Variants in MRRF observed in about 807,000 individuals in gnomAD.
The protein encoded by MRRF is mitochondrial ribosome recycling factor, also known as ribosome-recycling factor, mitochondrial.
MRRF carries 18 observed loss-of-function variants against 25.1 expected under a neutral mutation model. The observed-to-expected ratio is 0.72, with a 90% CI of 0.50 to 1.06. MRRF has a LOEUF of 1.06. Among genes scored for constraint, MRRF ranks in the 50% least tolerant of loss-of-function variants. MRRF has a pLI of 0.00. For missense variants in MRRF, 323 were observed against 319.3 expected, an observed-to-expected ratio of 1.01 and a Z score of -0.09; for synonymous variants, 113 against 112.1, an observed-to-expected ratio of 1.01 and a Z score of -0.05.
chr9:122,293,407 T>C (rs1833894622), intron 5 of MRRF, among the ~76,000 whole-genome samples: 2 of 152,202 alleles, frequency 1.3e-5, no homozygotes, highest in Admixed American at 1.3e-4. Flanking sequence ...AACCCAGGTT[T>C]AGTTGATAAC....
rs755709846 is a variant in MRRF, at chr9:122,321,755, T to G, written c.712-785T>G. Among the ~76,000 whole-genome samples the G allele has an allele frequency of 2.8e-4, 43 of 152,186 alleles. 1 individual carries two copies. The highest frequency in any genetic ancestry group is 3.3e-4 in the Admixed American group (5 of 15,278). On this transcript the variant is annotated intron_variant, in intron 6 of 6. Coordinates refer to ENST00000344641, the MANE Select transcript of MRRF (RefSeq NM_138777.5). ...ACCTCATTTTTTTTCAAGGCTTTTT[T>G]TTTTCACTTAACTATTGGGATCTTA...
At chr9:122,275,577 T>TA (rs1405021966) in intron 2 of MRRF, among the ~76,000 whole-genome samples, 1 of 152,128 alleles carries the variant, frequency 6.6e-6, no homozygotes, top group African/African-American at 2.4e-5. Flanking sequence ...TTGAGGCCTG[T>TA]AGTGAGCTGA....
At chr9:122,292,194 G>A (rs1588043134) in intron 5 of MRRF, among the ~76,000 whole-genome samples, 1 of 152,190 alleles carries the variant, frequency 6.6e-6, no homozygotes, top group East Asian at 1.9e-4. Flanking sequence ...GGATGATGGT[G>A]GCAGGGGCAC....
chr9:122,310,006 G>A (rs1468254639), intron 5 of MRRF, among the ~76,000 whole-genome samples: 1 of 152,220 alleles, frequency 6.6e-6, no homozygotes, highest in African/African-American at 2.4e-5. Context: ...ACCAACAACA[G>A]CAGCAGAGAC....
At chr9:122,313,602 T>C (rs918161103) in intron 6 of MRRF, among the ~76,000 whole-genome samples, 2 of 152,226 alleles carry the variant, frequency 1.3e-5, no homozygotes, top group Non-Finnish European at 2.9e-5. Flanking sequence ...GGTTTTGTGC[T>C]GAACACTTTA....
At chr9:122,292,524 C>G (rs1833839847) in intron 5 of MRRF, among the ~76,000 whole-genome samples, 1 of 151,840 alleles carries the variant, frequency 6.6e-6, no homozygotes, top group African/African-American at 2.4e-5. Context: ...AATATAAGAC[C>G]TTGACCTTTT....
Position 122,291,223 on chromosome 9 carries a change from A to G in MRRF, c.460-526A>G, listed in dbSNP as rs372795114. 7.9e-5 allele frequency among the ~76,000 whole-genome samples: 12 copies of G among 152,300 alleles called. 2 individuals are homozygous for G. The highest frequency in any genetic ancestry group is 2.2e-4 in the African/African-American group (9 of 41,554). On this transcript the variant is annotated intron_variant, in intron 4 of 6. Transcript: ENST00000344641. The stretch of plus-strand genomic sequence containing the variant: ...ATGCTTTAAGCTAGTATACCACACT[A>G]CCTTTGCGGGAGCATATACCAGCAG...
intron 4 of MRRF, among the ~76,000 whole-genome samples, chr9:122,290,680 G>A (rs773581706): frequency 1.3e-5 from 2 of 152,098 alleles, no homozygotes; most frequent in African/African-American, 2.4e-5. Flanking sequence ...GATTGTCTCC[G>A]GTCAAGCCTA....
At position 122,303,825 on chromosome 9, in the gene MRRF, G is replaced by A. The variant is rs140990351; in HGVS notation, c.552-9402G>A. 3.9e-5 allele frequency among the ~76,000 whole-genome samples: 6 copies of A among 152,302 alleles called. No individual in the cohort carries two copies. In the East Asian group the frequency reaches 7.7e-4, roughly 20 times the overall value. ...TTGAATCTGTCTGTTTCCAAAGCCC[G>A]GGCTCTTGCCATGTAATCACATTTG... On this transcript the variant is annotated intron_variant, in intron 5 of 6. Coordinates refer to ENST00000344641, the MANE Select transcript of MRRF (RefSeq NM_138777.5).
At chr9:122,297,870 A>C (rs1217317551) in intron 5 of MRRF, among the ~76,000 whole-genome samples, 3 of 152,168 alleles carry the variant, frequency 2.0e-5, no homozygotes, top group Admixed American at 1.3e-4. Flanking sequence ...CTTAGACCCA[A>C]ACTTGATGTG....
At chr9:122,272,139 T>G (rs1266012627) in intron 2 of MRRF, among the ~76,000 whole-genome samples, 1 of 152,238 alleles carries the variant, frequency 6.6e-6, no homozygotes, top group African/African-American at 2.4e-5. Flanking sequence ...ATTGAAGAAA[T>G]CCTTATAATT....
chr9:122,310,536 G>T lies in MRRF; in HGVS notation c.552-2691G>T, dbSNP rs538954868. ...CCATAAGGCGGTTTCCAAATCTCAA[G>T]ATAGAAGTGTTGTGTTTTCTGTATG... On this transcript the variant is annotated intron_variant, in intron 5 of 6. Coordinates refer to ENST00000344641, the MANE Select transcript of MRRF (RefSeq NM_138777.5). Among the ~76,000 whole-genome samples, 4 of 152,338 alleles carry T rather than the reference G, an allele frequency of 2.6e-5. No individual in the cohort carries two copies. In the South Asian group the frequency reaches 6.2e-4, roughly 24 times the overall value.
chr9:122,282,812 C>G (rs1482484257), intron 3 of MRRF, among the ~76,000 whole-genome samples: 1 of 152,070 alleles, frequency 6.6e-6, no homozygotes, highest in Non-Finnish European at 1.5e-5. Context: ...GGAGATCAGA[C>G]AAGATTACTG....
intron 6 of MRRF, among the ~76,000 whole-genome samples, chr9:122,314,322 C>T (rs547258763): frequency 6.6e-5 from 10 of 152,270 alleles, no homozygotes; most frequent in African/African-American, 1.9e-4. Context: ...TTCATGGTAA[C>T]AGCAGATGCC....
intron 5 of MRRF, among the ~76,000 whole-genome samples, chr9:122,311,071 C>CTG (rs1194445683): frequency 1.3e-5 from 2 of 152,108 alleles, no homozygotes; most frequent in Non-Finnish European, 2.9e-5. Flanking sequence ...CCTAATCCTC[C>CTG]TGTAAGGTGT....
intron 4 of MRRF, among the ~76,000 whole-genome samples, chr9:122,286,572 G>C (rs1009708771): frequency 1.3e-5 from 2 of 152,114 alleles, no homozygotes; most frequent in African/African-American, 2.4e-5. Context: ...AATTAGTGAG[G>C]TGTGATGGCA....
chr9:122,270,460 T>TA (rs1263756153), intron 1 of MRRF, among the ~76,000 whole-genome samples: 1 of 152,242 alleles, frequency 6.6e-6, no homozygotes, highest in Non-Finnish European at 1.5e-5. Context: ...ACGGTTTTCT[T>TA]ATTTAAAGTC....
At chr9:122,283,388 C>T (rs752604871) in intron 3 of MRRF, among the ~76,000 whole-genome samples, 4 of 152,122 alleles carry the variant, frequency 2.6e-5, no homozygotes, top group Non-Finnish European at 5.9e-5. Flanking sequence ...CCACTGTACC[C>T]GGTGAGATAT....
intron 5 of MRRF, among the ~76,000 whole-genome samples, chr9:122,295,926 A>G (rs906199381): frequency 1.3e-5 from 2 of 152,122 alleles, no homozygotes; most frequent in Non-Finnish European, 2.9e-5. Context: ...CTATTACCTC[A>G]CCCTCATTAC....
Sources: gnomAD v4.1 joint callset for allele counts (sites outside exome capture counted in the v4.1 genomes callset) on GRCh38, gnomAD v4.1.1 for gene constraint, MANE v1.5 for transcripts, NCBI Gene and HGNC (gene_info 2026-07-23, HGNC 2026-07-21) for gene names.